The following VSNL1 variants were observed in gnomAD, a reference collection of about 807,000 sequenced individuals.
VSNL1 encodes visinin like 1.
In VSNL1, 6 loss-of-function variants were observed where a neutral mutation model predicts 20.4. The ratio of observed to expected loss-of-function variants is 0.29; its 90% CI spans 0.16 to 0.58. The LOEUF is 0.58. VSNL1 is among the 20% of genes least tolerant of loss of function. The pLI is 0.90. For synonymous variants in VSNL1, 93 were observed against 86.4 expected (o/e 1.08, Z -0.42); for missense variants, 100 against 234.5 (o/e 0.43, Z 3.75).
intron 2 of VSNL1, among the ~76,000 whole-genome samples, chr2:17,598,160 T>C (rs2103382194): frequency 6.6e-6 from 1 of 152,364 alleles, no homozygotes; most frequent in Non-Finnish European, 1.5e-5. Context: ...ATTCTACTTC[T>C]AAATTGTGCC....
intron 1 of VSNL1, among the ~76,000 whole-genome samples, chr2:17,563,848 T>G (rs908808284): frequency 6.6e-5 from 10 of 152,208 alleles, no homozygotes; most frequent in African/African-American, 2.4e-4. Flanking sequence ...GTAGGTATTG[T>G]GATTATTTGG....
At chr2:17,544,990 A>G (rs1244958116) in intron 1 of VSNL1, among the ~76,000 whole-genome samples, 2 of 152,148 alleles carry the variant, frequency 1.3e-5, no homozygotes. Flanking sequence ...CATTTTTAAA[A>G]TAGTATCTTC....
intron 1 of VSNL1, among the ~76,000 whole-genome samples, chr2:17,588,064 G>C (rs922399039): frequency 1.3e-5 from 2 of 152,172 alleles, no homozygotes; most frequent in African/African-American, 4.8e-5. Context: ...GAACTTCTCT[G>C]TATGACAACA....
At chr2:17,579,754 C>T (rs1442365269) in intron 1 of VSNL1, among the ~76,000 whole-genome samples, 1 of 151,846 alleles carries the variant, frequency 6.6e-6, no homozygotes, top group Non-Finnish European at 1.5e-5. Context: ...TTGGGAGGGC[C>T]CTGGGATGAA....
intron 2 of VSNL1, among the ~76,000 whole-genome samples, chr2:17,614,985 G>A (rs925419035): frequency 2.6e-5 from 4 of 152,182 alleles, no homozygotes; most frequent in Non-Finnish European, 4.4e-5. Context: ...CAGAGAGAGC[G>A]GAAGTTTTAT....
chr2:17,566,119 C>T (rs1332890673), intron 1 of VSNL1, among the ~76,000 whole-genome samples: 1 of 152,188 alleles, frequency 6.6e-6, no homozygotes, highest in Non-Finnish European at 1.5e-5. Flanking sequence ...CAGACTTATA[C>T]AGCAGTATTT....
At chr2:17,590,781 T>C (rs564598849) in intron 1 of VSNL1, among the ~76,000 whole-genome samples, 1 of 152,206 alleles carries the variant, frequency 6.6e-6, no homozygotes, top group Non-Finnish European at 1.5e-5. Context: ...AGTGTAGACA[T>C]GCCTGCAGCT....
chr2:17,556,241 G>GA (rs1248298618), intron 1 of VSNL1, among the ~76,000 whole-genome samples: 3 of 152,136 alleles, frequency 2.0e-5, no homozygotes, highest in African/African-American at 7.2e-5. Context: ...ATATGCCAGT[G>GA]AAAATGTAAC....
chr2:17,601,098 G>A (rs1473844569), intron 2 of VSNL1, among the ~76,000 whole-genome samples: 2 of 152,200 alleles, frequency 1.3e-5, no homozygotes, highest in East Asian at 3.8e-4. Flanking sequence ...AGAGATATCA[G>A]TGGTTATTGT....
intron 1 of VSNL1, chr2:17,567,344 A>G (rs1663972008): frequency 7.3e-6 from 1 of 137,906 alleles, no homozygotes; most frequent in Non-Finnish European, 1.5e-5. Context: ...AGAGTCTCAT[A>G]GAGTCTCACT....
chr2:17,628,933 C>G (rs954578509), intron 2 of VSNL1, among the ~76,000 whole-genome samples: 1 of 152,204 alleles, frequency 6.6e-6, no homozygotes, highest in African/African-American at 2.4e-5. Context: ...CTGCCTCCCA[C>G]ATAGTTACCA....
At chr2:17,613,623 T>A (rs1665143111) in intron 2 of VSNL1, among the ~76,000 whole-genome samples, 1 of 152,214 alleles carries the variant, frequency 6.6e-6, no homozygotes, top group Non-Finnish European at 1.5e-5. Context: ...TTCTTTGTGC[T>A]GAGCCCTCTT....
chr2:17,635,264 G>A (rs987775169), intron 2 of VSNL1, among the ~76,000 whole-genome samples: 1 of 152,212 alleles, frequency 6.6e-6, no homozygotes. Context: ...GAATCTCAGA[G>A]GCCTGCTGGG....
At chr2:17,643,116 C>T (rs1449101488) in intron 2 of VSNL1, among the ~76,000 whole-genome samples, 3 of 152,158 alleles carry the variant, frequency 2.0e-5, no homozygotes, top group Non-Finnish European at 4.4e-5. Flanking sequence ...TGCTTGAGGG[C>T]AGAGACCAGA....
chr2:17,636,275 T>C (rs930572083), intron 2 of VSNL1, among the ~76,000 whole-genome samples: 1 of 151,944 alleles, frequency 6.6e-6, no homozygotes, highest in African/African-American at 2.4e-5. Flanking sequence ...GCCTCATCTC[T>C]CTGGCCACAC....
chr2:17,563,820 T>G (rs753426198), intron 1 of VSNL1, among the ~76,000 whole-genome samples: 1 of 152,208 alleles, frequency 6.6e-6, no homozygotes, highest in Non-Finnish European at 1.5e-5. Context: ...ATAAAAATTA[T>G]CATCCTAATA....
intron 2 of VSNL1, among the ~76,000 whole-genome samples, chr2:17,625,013 G>A (rs752613204): frequency 6.6e-5 from 10 of 152,190 alleles, no homozygotes; most frequent in Non-Finnish European, 1.3e-4. Flanking sequence ...GGGGGACCTG[G>A]TGGGAGATAA....
intron 3 of VSNL1, among the ~76,000 whole-genome samples, chr2:17,654,322 T>TAAAC (rs1666180159): frequency 6.6e-6 from 1 of 152,216 alleles, no homozygotes; most frequent in Non-Finnish European, 1.5e-5. Context: ...CTTTAACTTA[T>TAAAC]AAACAGAGTC....
chr2:17,628,557 C>T (rs1163889933), intron 2 of VSNL1, among the ~76,000 whole-genome samples: 1 of 152,056 alleles, frequency 6.6e-6, no homozygotes, highest in African/African-American at 2.4e-5. Flanking sequence ...TATTTTGTAC[C>T]AGGGAGAAAG....
Sources: allele counts gnomAD v4.1 joint callset (sites outside exome capture counted in the v4.1 genomes callset), GRCh38; gene constraint gnomAD v4.1.1; transcripts MANE v1.5; gene names NCBI Gene and HGNC (gene_info 2026-07-23, HGNC 2026-07-21).